The following CBX8 variants were observed in gnomAD, a reference collection of about 807,000 sequenced individuals.
The protein encoded by CBX8 is chromobox protein homolog 8.
Under a neutral mutation model 39.7 loss-of-function variants are expected in CBX8, and 8 were observed. The ratio of observed to expected loss-of-function variants is 0.20; its 90% CI spans 0.12 to 0.36. The LOEUF (loss-of-function observed/expected upper bound fraction) is 0.36, where lower values mean the gene tolerates loss of function less well. Ranked by LOEUF, CBX8 falls within the 10% of genes least tolerant of loss-of-function variation. CBX8 has a pLI of 1.00. For synonymous variants in CBX8, 268 were observed against 219.8 expected, an observed-to-expected ratio of 1.22 and a Z score of -1.94; for missense variants, 505 against 529.6, an observed-to-expected ratio of 0.95 and a Z score of 0.46.
In CBX8 at chr17:79,795,232, T is replaced by G. The variant is rs747621347; in HGVS notation, c.573A>C (p.Ser191=). 2.5e-6 allele frequency: 4 copies of G among 1,612,862 alleles called. No homozygotes were observed. The highest frequency in any genetic ancestry group is 1.7e-5 in the Admixed American group (1 of 59,846). ...CTCGCTTCTTCGAGCTGTCCCCCGG[T>G]GAGCTGGGCTTGTCATCCACTCTGC... ...GTSRVDDKPS[S]PGDSSKKRGP... is the part of the protein sequence containing the mutation. The change falls in exon 5 of 5, where the codon TCA becomes TCC. Residue 191 remains serine, a synonymous_variant. Coordinates refer to ENST00000269385, the MANE Select transcript of CBX8 (RefSeq NM_020649.3). The surrounding 1 kb of genome is among the most constrained non-coding windows in gnomAD (Gnocchi z 5.8).
Position 79,794,688 on chromosome 17 carries a change from C to T in CBX8, c.1117G>A (p.Val373Ile), listed in dbSNP as rs763845874. The T allele has an allele frequency of 4.4e-6, 7 of 1,595,230 alleles. No homozygotes were observed. Among genetic ancestry groups the T allele is most frequent in the East Asian group, 2.2e-5 (1 of 44,808 alleles). ...TCCGTGTTACTTTCCTTAATGGTGA[C>T]GGTCAAAAAGTTTGAGGTCACGTCC... ...VTDVTSNFLT[V>I]TIKESNTDQG... Residue 373 changes from valine to isoleucine, a missense_variant, in exon 5 of 5, where the codon GTC (valine) becomes ATC (isoleucine). Transcript: ENST00000269385.
At chr17:79,796,224 C>T (rs1477134707) in intron 3 of CBX8, 26 bp downstream of exon 3, 4 of 1,613,846 alleles carry the variant, frequency 2.5e-6, no homozygotes, top group Admixed American at 1.7e-5. Flanking sequence ...TCTAAGTGAG[C>T]GGCTGGGACT....
At chr17:79,796,371 G>C in intron 2 of CBX8, 56 bp from the exon 3 acceptor site, 2 of 1,593,528 alleles carry the variant, frequency 1.3e-6, no homozygotes, top group East Asian at 2.2e-5. Flanking sequence ...TGAGAGCAGA[G>C]GGGGTGTGTG....
In CBX8 at chr17:79,796,333, G is replaced by A. The variant is rs1231130496; in HGVS notation, c.114-18C>T. Reference sequence around the variant, plus strand: ...TGCTGTACCTAAAGGGAATCAGGAAGAAGTGGGCATCAGTCCCAGGAGCAG... The same window carrying A: ...TGCTGTACCTAAAGGGAATCAGGAAAAAGTGGGCATCAGTCCCAGGAGCAG... On this transcript the variant is annotated intron_variant, in intron 2 of 4. Coordinates refer to ENST00000269385, the MANE Select transcript of CBX8 (RefSeq NM_020649.3). 1.9e-6 allele frequency: 3 copies of A among 1,613,958 alleles called. No individual in the cohort carries two copies. Among genetic ancestry groups the A allele is most frequent in the East Asian group, 2.2e-5 (1 of 44,878 alleles).
Position 79,795,564 on chromosome 17 carries a change from G to C in CBX8, c.247-6C>G, listed in dbSNP as rs779219875. 1 of 1,509,110 alleles carries C rather than the reference G, an allele frequency of 6.6e-7. No individual in the cohort carries two copies. The highest frequency in any genetic ancestry group is 2.3e-5 in the East Asian group (1 of 43,476). 93.5% of individuals were successfully genotyped at this position (1,509,110 alleles called of 1,614,324 possible). On this transcript the variant is annotated splice_polypyrimidine_tract_variant and splice_region_variant and intron_variant, in intron 4 of 4. Transcript: ENST00000269385. The surrounding 1 kb of genome is among the most constrained non-coding windows in gnomAD (Gnocchi z 5.8). The stretch of plus-strand genomic sequence containing the variant: ...GCCTTTGCCTTGGCCTGCGCCTGCA[G>C]GAGAGAAGATGGTCTCAAGAGTGGG...
At position 79,794,591 on chromosome 17, in the gene CBX8, TCA is replaced by T; in HGVS notation, c.*42_*43del. ...AAAAATCACTATGCCAAGCTCACGC[TCA>T]CTCTCTCCCCTGCTCTCCTCCTGGA... On this transcript the variant is annotated 3_prime_UTR_variant, in exon 5 of 5. Coordinates refer to ENST00000269385, the MANE Select transcript of CBX8 (RefSeq NM_020649.3). 1 of 1,418,536 alleles carries T rather than the reference TCA, an allele frequency of 7.0e-7. No individual in the cohort carries two copies. The highest frequency in any genetic ancestry group is 9.5e-7 in the Non-Finnish European group (1 of 1,047,936). The allele number at this position is 1,418,536 out of a possible 1,614,324, so 87.9% of individuals were successfully genotyped here. A position where few individuals can be genotyped will look rare whatever the true frequency, so the allele number is the denominator to read the frequency against.
At chr17:79,796,635 C>CAT in intron 1 of CBX8, 95 bp from the exon 2 acceptor site, 1 of 1,404,910 alleles carries the variant, frequency 7.1e-7, no homozygotes, top group Non-Finnish European at 1.0e-6. Context: ...CAGATGAATG[C>CAT]TCGAAACCCC....
chr17:79,795,253 T>A lies in CBX8; in HGVS notation c.552A>T (p.Arg184Ser). 1 of 1,612,218 alleles carries A rather than the reference T, an allele frequency of 6.2e-7. No homozygotes were observed. The highest frequency in any genetic ancestry group is 8.5e-7 in the Non-Finnish European group (1 of 1,179,374). Residue 184 changes from arginine to serine, a missense_variant, in exon 5 of 5, where the codon AGA (arginine) becomes AGT (serine). Arg to Ser is a moderately radical substitution (Grantham distance 110). This residue lies in a region of CBX8 where 456 missense variants were observed against 389.2 expected (regional missense o/e 1.17). Coordinates refer to ENST00000269385, the MANE Select transcript of CBX8 (RefSeq NM_020649.3). The surrounding 1 kb of genome is among the most constrained non-coding windows in gnomAD (Gnocchi z 5.8). ...RERERERGTS[R>S]VDDKPSSPGD... Reference sequence around the variant, plus strand: ...CCGGTGAGCTGGGCTTGTCATCCACTCTGCTGGTACCCCGCTCTCGTTCCC... The same window carrying A: ...CCGGTGAGCTGGGCTTGTCATCCACACTGCTGGTACCCCGCTCTCGTTCCC...
At position 79,795,048 on chromosome 17, in the gene CBX8, T is replaced by C; in HGVS notation, c.757A>G (p.Arg253Gly). ...CACTGCACCAGGTCCGAGTCCTGTC[T>C]TCGGGCCAGCTGGATCACACTGTGG... is the stretch of plus-strand genomic sequence containing the variant. The part of the protein sequence containing the change: ...AGHSVIQLAR[R>G]QDSDLVQCGV... The change falls in exon 5 of 5, where the codon AGA becomes GGA. Residue 253 changes from arginine (R) to glycine (G), a missense_variant. Around this residue, in one of 3 missense-constraint regions of CBX8, gnomAD observed 456 missense variants for 389.2 expected, o/e 1.17. Coordinates refer to ENST00000269385, the MANE Select transcript of CBX8 (RefSeq NM_020649.3). The surrounding 1 kb of genome is among the most constrained non-coding windows in gnomAD (Gnocchi z 5.8). 1 of 1,607,442 alleles carries C rather than the reference T, an allele frequency of 6.2e-7. No individual in the cohort carries two copies. The highest frequency in any genetic ancestry group is 8.5e-7 in the Non-Finnish European group (1 of 1,176,722).
At position 79,794,613 on chromosome 17, in the gene CBX8, C is replaced by G; in HGVS notation, c.*22G>C. ...CGCTCACTCTCTCCCCTGCTCTCCT[C>G]CTGGACACACCCACCCAGCATTCAT... On this transcript the variant is annotated 3_prime_UTR_variant, in exon 5 of 5. Transcript: ENST00000269385. The G allele has an allele frequency of 6.6e-7, 1 of 1,524,568 alleles. No individual in the cohort carries two copies. Among genetic ancestry groups the G allele is most frequent in the Non-Finnish European group, 8.8e-7 (1 of 1,134,794 alleles). The allele number at this position is 1,524,568 out of a possible 1,614,324, so 94.4% of individuals were successfully genotyped here.
Position 79,794,615 on chromosome 17 carries a change from T to C in CBX8, c.*20A>G. On this transcript the variant is annotated 3_prime_UTR_variant, in exon 5 of 5. Coordinates refer to ENST00000269385, the MANE Select transcript of CBX8 (RefSeq NM_020649.3). The stretch of plus-strand genomic sequence containing the variant: ...CTCACTCTCTCCCCTGCTCTCCTCC[T>C]GGACACACCCACCCAGCATTCATCT... 4 of 1,528,306 alleles carry C rather than the reference T, an allele frequency of 2.6e-6. No individual in the cohort carries two copies. Among genetic ancestry groups the C allele is most frequent in the East Asian group, 2.3e-5 (1 of 44,382 alleles). 94.7% of individuals were successfully genotyped at this position (1,528,306 alleles called of 1,614,324 possible). A position where few individuals can be genotyped will look rare whatever the true frequency, so the allele number is the denominator to read the frequency against.
rs1391153054 is a variant in CBX8, at chr17:79,793,511, A to C, written c.*1124T>G. 6.6e-6 allele frequency: 1 copy of C among 152,320 alleles called. No individual in the cohort carries two copies. Among genetic ancestry groups the C allele is most frequent in the African/African-American group, 2.4e-5 (1 of 41,336 alleles). The allele number at this position is 152,320 out of a possible 1,614,324, so 9.4% of individuals were successfully genotyped here. ...GTGGAGAGGCCCTGGGTGCGAAGCC[A>C]CTGCTCCTAGCAGCGCCCGCCGCCG... On this transcript the variant is annotated 3_prime_UTR_variant, in exon 5 of 5. Coordinates refer to ENST00000269385, the MANE Select transcript of CBX8 (RefSeq NM_020649.3).
rs1907942649 is a variant in CBX8 at position 79,793,267 on chromosome 17, A to C, written c.*1368T>G. On this transcript the variant is annotated 3_prime_UTR_variant, in exon 5 of 5. Transcript: ENST00000269385. ...GGCGGAGTTTGAATGTCGAGTTCAA[A>C]TAGAGAACACTGCGAATCGAAAAGA... The C allele has an allele frequency of 6.6e-6, 1 of 152,112 alleles. No individual in the cohort carries two copies. Among genetic ancestry groups the C allele is most frequent in the African/African-American group, 2.4e-5 (1 of 41,420 alleles). The allele number at this position is 152,112 out of a possible 1,614,324, so 9.4% of individuals were successfully genotyped here. A position where few individuals can be genotyped will look rare whatever the true frequency, so the allele number is the denominator to read the frequency against.
rs1221235221 is a variant in CBX8, at chr17:79,795,631, T to G, written c.247-73A>C. 2.0e-6 allele frequency: 2 copies of G among 1,006,812 alleles called. No individual in the cohort carries two copies. Among genetic ancestry groups the G allele is most frequent in the Non-Finnish European group, 2.6e-6 (2 of 772,924 alleles). The allele number at this position is 1,006,812 out of a possible 1,614,324, so 62.4% of individuals were successfully genotyped here. A position where few individuals can be genotyped will look rare whatever the true frequency, so the allele number is the denominator to read the frequency against. On this transcript the variant is annotated intron_variant, in intron 4 of 4. Coordinates refer to ENST00000269385, the MANE Select transcript of CBX8 (RefSeq NM_020649.3). The surrounding 1 kb of genome is among the most constrained non-coding windows in gnomAD (Gnocchi z 5.8). ...CCCCACAGGACTCCTCCTCTATCCCTGACCTCCTATCTTTACCCTATGATG... is the reference window on the plus strand; with the variant it reads ...CCCCACAGGACTCCTCCTCTATCCCGGACCTCCTATCTTTACCCTATGATG...
At chr17:79,796,663 C>A in intron 1 of CBX8, 123 bp from the exon 2 acceptor site, 16 of 1,084,596 alleles carry the variant, frequency 1.5e-5, no homozygotes, top group Non-Finnish European at 2.1e-5. Context: ...AAGGCACGCG[C>A]CCGCTGCATC....
Position 79,795,974 on chromosome 17 carries a change from C to T in CBX8, c.246+83G>A. 1.6e-6 allele frequency: 2 copies of T among 1,234,604 alleles called. No individual in the cohort carries two copies. Among genetic ancestry groups the T allele is most frequent in the Admixed American group, 3.6e-5 (2 of 56,260 alleles). The allele number at this position is 1,234,604 out of a possible 1,614,324, so 76.5% of individuals were successfully genotyped here. A position where few individuals can be genotyped will look rare whatever the true frequency, so the allele number is the denominator to read the frequency against. ...CAAATAGGCAACATGTGTGGACACC[C>T]CATTGGCTCACAGCCCTCAGAGCCC... On this transcript the variant is annotated intron_variant, in intron 4 of 4. Coordinates refer to ENST00000269385, the MANE Select transcript of CBX8 (RefSeq NM_020649.3). The surrounding 1 kb of genome is among the most constrained non-coding windows in gnomAD (Gnocchi z 5.8).
chr17:79,796,896 G>A (rs927886383), intron 1 of CBX8, 34 bp downstream of exon 1: 5 of 1,571,540 alleles, frequency 3.2e-6, no homozygotes, highest in Admixed American at 3.5e-5. Flanking sequence ...GGAGGGCCCG[G>A]CCGCACGGAG....
chr17:79,795,999 C>T lies in CBX8; in HGVS notation c.246+58G>A. ...CCATTGGCTCACAGCCCTCAGAGCC[C>T]CCTTCCCACAAATCACTCCATAACA... On this transcript the variant is annotated intron_variant, in intron 4 of 4. Coordinates refer to ENST00000269385, the MANE Select transcript of CBX8 (RefSeq NM_020649.3). This position sits in a 1 kb window ranked among gnomAD's most constrained non-coding sequence, Gnocchi z 5.8. The T allele has an allele frequency of 1.3e-6, 2 of 1,522,598 alleles. No individual in the cohort carries two copies. The highest frequency in any genetic ancestry group is 1.8e-6 in the Non-Finnish European group (2 of 1,099,866). The allele number at this position is 1,522,598 out of a possible 1,614,324, so 94.3% of individuals were successfully genotyped here. A position where few individuals can be genotyped will look rare whatever the true frequency, so the allele number is the denominator to read the frequency against.
rs1489922379 is a variant in CBX8 at position 79,796,319 on chromosome 17, A to G, written c.114-4T>C. ...CTCCGGTTCCCATGTGCTGTACCTA[A>G]AGGGAATCAGGAAGAAGTGGGCATC... On this transcript the variant is annotated splice_polypyrimidine_tract_variant and splice_region_variant and intron_variant, in intron 2 of 4. Transcript: ENST00000269385. 6.2e-7 allele frequency: 1 copy of G among 1,614,118 alleles called. No individual in the cohort carries two copies. The highest frequency in any genetic ancestry group is 8.5e-7 in the Non-Finnish European group (1 of 1,180,028).
Sources: allele counts gnomAD v4.1 joint callset, GRCh38; gene constraint gnomAD v4.1.1; regional missense constraint gnomAD v4.1.1; non-coding constraint Gnocchi (gnomAD v3.1); transcripts MANE v1.5; gene names NCBI Gene and HGNC (gene_info 2026-07-23, HGNC 2026-07-21).